Variants in BSN observed in about 807,000 individuals in gnomAD.
BSN encodes the protein bassoon presynaptic cytomatrix protein.
A neutral mutation model predicts 264.8 loss-of-function variants in BSN; 57 were observed. The observed-to-expected ratio is 0.22, with a 90% CI of 0.17 to 0.27. The LOEUF (loss-of-function observed/expected upper bound fraction) is 0.27, where lower values mean the gene tolerates loss of function less well. Among genes scored for constraint, BSN ranks in the 10% least tolerant of loss-of-function variants. The pLI, the probability that BSN is intolerant of heterozygous loss-of-function variation, is 1.00. For synonymous variants in BSN, 2,059 were observed against 2,137.3 expected (o/e 0.96, Z 1.01); for missense variants, 4,615 against 5,232.5 (o/e 0.88, Z 3.64).
chr3:49,623,332 A>G (rs2052319043), intron 1 of BSN, among the ~76,000 whole-genome samples: 1 of 152,228 alleles, frequency 6.6e-6, no homozygotes, highest in Non-Finnish European at 1.5e-5. Flanking sequence ...CCCAATGAGT[A>G]CAGACTAAAG....
chr3:49,647,358 G>A (rs2108076543), intron 3 of BSN, among the ~76,000 whole-genome samples: 1 of 152,334 alleles, frequency 6.6e-6, no homozygotes, highest in South Asian at 2.1e-4. Flanking sequence ...ATACACACCT[G>A]CCTCTCCCAC....
chr3:49,644,324 A>AG (rs2052489925), intron 3 of BSN, among the ~76,000 whole-genome samples: 1 of 152,140 alleles, frequency 6.6e-6, no homozygotes, highest in African/African-American at 2.4e-5. Context: ...ACAAGAGAGG[A>AG]GAGCATGATG....
In BSN at chr3:49,661,735, A is replaced by G. The variant is rs141288834; in HGVS notation, c.9890A>G (p.Asp3297Gly). The G allele has an allele frequency of 1.0e-3, 1,643 of 1,613,422 alleles. 2 individuals are homozygous for G. The highest frequency in any genetic ancestry group is 1.3e-3 in the Non-Finnish European group (1,488 of 1,179,996). The stretch of plus-strand genomic sequence containing the variant: ...GAGGAATCTGAGGAGGACTCATACG[A>G]TCCCCGCGGGAAGGGTGGCCACCTC... Reference protein sequence around the residue: ...GEEESEEDSYDPRGKGGHLRS... With the variant: ...GEEESEEDSYGPRGKGGHLRS... Residue 3297 changes from aspartate (D) to glycine (G), a missense_variant, in exon 6 of 12, where the codon GAT (aspartate) becomes GGT (glycine). By Grantham distance (94) the Asp-to-Gly change is moderately conservative. This residue lies in a region of BSN where 3,415 missense variants were observed against 3,866.4 expected (regional missense o/e 0.88). Transcript: ENST00000296452.
rs889182605 is a variant in BSN at position 49,654,832 on chromosome 3, T to C, written c.5276T>C (p.Leu1759Pro). The C allele has an allele frequency of 1.2e-6, 2 of 1,613,416 alleles. No homozygotes were observed. Among genetic ancestry groups the C allele is most frequent in the Admixed American group, 1.7e-5 (1 of 59,976 alleles). The stretch of plus-strand genomic sequence containing the variant: ...TATGGAGACCCCTACCAGAGCCGCC[T>C]TGACTTTGGCCAGGGTGGGGGTAGC... ...VVYGDPYQSR[L>P]DFGQGGGSPV... Residue 1759 changes from leucine (L) to proline (P), a missense_variant, in exon 5 of 12, where the codon CTT becomes CCT. By Grantham distance (98) the Leu-to-Pro change is moderately conservative (BLOSUM62 -3). Transcript: ENST00000296452. This position sits in a 1 kb window ranked among gnomAD's most constrained non-coding sequence, Gnocchi z 4.1.
chr3:49,565,632 C>A (rs2051747217), intron 1 of BSN, among the ~76,000 whole-genome samples: 1 of 151,932 alleles, frequency 6.6e-6, no homozygotes, highest in African/African-American at 2.4e-5. Context: ...GATTTTCATT[C>A]AAAATAGAAA....
intron 1 of BSN, among the ~76,000 whole-genome samples, chr3:49,574,416 G>T (rs984489946): frequency 6.6e-6 from 1 of 152,120 alleles, no homozygotes; most frequent in South Asian, 2.1e-4. Context: ...CATTGCAGGG[G>T]TGGGGGCAGG....
chr3:49,576,854 A>G (rs1254181069), intron 1 of BSN, among the ~76,000 whole-genome samples: 2 of 152,196 alleles, frequency 1.3e-5, no homozygotes. Flanking sequence ...ATTTGCAGCC[A>G]GCATCCTGCC....
Position 49,660,378 on chromosome 3 carries a change from A to G in BSN, c.8641-108A>G. 6.7e-7 allele frequency: 1 copy of G among 1,494,596 alleles called. No homozygotes were observed. The highest frequency in any genetic ancestry group is 8.9e-7 in the Non-Finnish European group (1 of 1,123,616). 92.6% of individuals were successfully genotyped at this position (1,494,596 alleles called of 1,614,324 possible). A position where few individuals can be genotyped will look rare whatever the true frequency, so the allele number is the denominator to read the frequency against. On this transcript the variant is annotated intron_variant, in intron 5 of 11. Coordinates refer to ENST00000296452, the MANE Select transcript of BSN (RefSeq NM_003458.4). The surrounding 1 kb of genome is among the most constrained non-coding windows in gnomAD (Gnocchi z 7.1). ...CCTGGTAAATCAGGGCACCAGCAAGATGGAACCCAGCTCCTTCCCCAGCCC... is the reference window on the plus strand; with the variant it reads ...CCTGGTAAATCAGGGCACCAGCAAGGTGGAACCCAGCTCCTTCCCCAGCCC...
In BSN at chr3:49,657,530, G is replaced by C; in HGVS notation, c.7974G>C (p.Val2658=). 6.2e-7 allele frequency: 1 copy of C among 1,613,252 alleles called. No homozygotes were observed. Among genetic ancestry groups the C allele is most frequent in the Non-Finnish European group, 8.5e-7 (1 of 1,180,020 alleles). ...TASSSSAAAT[V]RAMSSVGIQT... is the part of the protein sequence containing the mutation. ...CATCATCCAGTGCTGCTGCCACTGT[G>C]AGGGCCATGAGCAGCGTGGGCATCC... Residue 2658 remains valine, a synonymous_variant, in exon 5 of 12, where the codon GTG becomes GTC. Transcript: ENST00000296452.
intron 2 of BSN, among the ~76,000 whole-genome samples, chr3:49,639,905 A>G (rs972667881): frequency 6.6e-6 from 1 of 152,250 alleles, no homozygotes; most frequent in Non-Finnish European, 1.5e-5. Flanking sequence ...GGTGCTTGCC[A>G]AAGTGCAGTG....
At position 49,661,124 on chromosome 3, in the gene BSN, C is replaced by A. The variant is rs1197662005; in HGVS notation, c.9279C>A (p.Ala3093=). 19 of 1,612,842 alleles carry A rather than the reference C, an allele frequency of 1.2e-5. No homozygotes were observed. The highest frequency in any genetic ancestry group is 1.5e-5 in the Non-Finnish European group (18 of 1,179,884). Residue 3093 remains alanine (A), a synonymous_variant, in exon 6 of 12, where the codon GCC becomes GCA. Transcript: ENST00000296452. ...GCCCCAGCACGTACCCAGCTCCTGC[C>A]TTTCCTCCTGGTGCCAGTTACCCAG... ...YPGPSTYPAP[A]FPPGASYPAE...
intron 1 of BSN, among the ~76,000 whole-genome samples, chr3:49,576,113 G>C (rs1000887794): frequency 1.3e-5 from 2 of 152,106 alleles, no homozygotes; most frequent in African/African-American, 4.8e-5. Context: ...AGTAACCGCT[G>C]GTGCCTTTTG....
chr3:49,578,080 T>G (rs1327808157), intron 1 of BSN, among the ~76,000 whole-genome samples: 1 of 152,226 alleles, frequency 6.6e-6, no homozygotes, highest in South Asian at 2.1e-4. Context: ...TATTTTCTAA[T>G]TTTGTGGATG....
chr3:49,662,447 C>T lies in BSN; in HGVS notation c.10602C>T (p.Ser3534=), dbSNP rs1472595719. The change falls in exon 6 of 12, where the codon AGC becomes AGT. Residue 3534 remains serine, a synonymous_variant. Transcript: ENST00000296452. The stretch of plus-strand genomic sequence containing the variant: ...ATACCTGCCCACAGTTCTGCTCCAG[C>T]CACTCCATGCCTGATGTCCAGGAAC... ...GGDTCPQFCS[S]HSMPDVQEHV... is the part of the protein sequence containing the mutation. 6.2e-7 allele frequency: 1 copy of T among 1,613,606 alleles called. No individual in the cohort carries two copies. The highest frequency in any genetic ancestry group is 2.2e-5 in the East Asian group (1 of 44,896).
At chr3:49,602,037 G>A (rs950384494) in intron 1 of BSN, among the ~76,000 whole-genome samples, 1 of 152,196 alleles carries the variant, frequency 6.6e-6, no homozygotes, top group East Asian at 1.9e-4. Flanking sequence ...CCTGTTTCCT[G>A]AGAGCCTCTC....
chr3:49,657,786 C>G lies in BSN; in HGVS notation c.8230C>G (p.Leu2744Val). Residue 2744 changes from leucine (L) to valine (V), a missense_variant, in exon 5 of 12, where the codon CTG (leucine) becomes GTG (valine). Leu to Val is a conservative substitution (Grantham distance 32). This residue lies in a region of BSN where 3,415 missense variants were observed against 3,866.4 expected (regional missense o/e 0.88). Transcript: ENST00000296452. ...LVGPTAISPY[L>V]PGIQIVTPGP... Reference sequence around the variant, plus strand: ...AGGGCCAACTGCCATCAGCCCCTACCTGCCTGGCATCCAGATCGTCACCCC... The same window carrying G: ...AGGGCCAACTGCCATCAGCCCCTACGTGCCTGGCATCCAGATCGTCACCCC... 1 of 1,568,188 alleles carries G rather than the reference C, an allele frequency of 6.4e-7. No individual in the cohort carries two copies. The highest frequency in any genetic ancestry group is 8.7e-7 in the Non-Finnish European group (1 of 1,155,222).
At chr3:49,648,780 A>T (rs916843071) in intron 3 of BSN, among the ~76,000 whole-genome samples, 2 of 152,034 alleles carry the variant, frequency 1.3e-5, no homozygotes, top group African/African-American at 4.8e-5. Flanking sequence ...GGTTCAAGGG[A>T]GTCAGTAGTG....
intron 1 of BSN, among the ~76,000 whole-genome samples, chr3:49,615,227 A>T (rs912452205): frequency 6.6e-6 from 1 of 152,134 alleles, no homozygotes; most frequent in African/African-American, 2.4e-5. Flanking sequence ...GACATTTCTG[A>T]GTGGAAAGGA....
At chr3:49,561,715 A>G (rs2051712803) in intron 1 of BSN, among the ~76,000 whole-genome samples, 1 of 152,218 alleles carries the variant, frequency 6.6e-6, no homozygotes, top group Non-Finnish European at 1.5e-5. Flanking sequence ...GAGGATGCTT[A>G]AAATCTATTA....
Sources: gnomAD v4.1 joint callset for allele counts (sites outside exome capture counted in the v4.1 genomes callset) on GRCh38, gnomAD v4.1.1 for gene constraint, gnomAD v4.1.1 regional missense constraint, Gnocchi (gnomAD v3.1) non-coding constraint, MANE v1.5 for transcripts, NCBI Gene and HGNC (gene_info 2026-07-23, HGNC 2026-07-21) for gene names.